NOD2: variants seen among roughly 807,000 people sequenced by gnomAD.
The protein encoded by NOD2 is nucleotide binding oligomerization domain containing 2, also known as nucleotide-binding oligomerization domain-containing protein 2.
A neutral mutation model predicts 90.9 loss-of-function variants in NOD2; 86 were observed. The observed-to-expected ratio is 0.95, with a 90% CI of 0.79 to 1.13. The LOEUF is 1.13. Ranked by LOEUF, NOD2 falls within the 50% of genes most tolerant of loss-of-function variation. The pLI, the probability that NOD2 is intolerant of heterozygous loss-of-function variation, is 0.00. For synonymous variants in NOD2, 581 were observed against 554.6 expected (o/e 1.05, Z -0.67); for missense variants, 1,238 against 1,283.8 (o/e 0.96, Z 0.55).
chr16:50,717,709 A>G (rs781338889), intron 6 of NOD2, among the ~76,000 whole-genome samples: 1 of 152,266 alleles, frequency 6.6e-6, no homozygotes, highest in Non-Finnish European at 1.5e-5. Flanking sequence ...TGAGATCAGA[A>G]CCACAGGTGC....
At chr16:50,731,544 A>T (rs1213897084) in intron 11 of NOD2, among the ~76,000 whole-genome samples, 1 of 152,188 alleles carries the variant, frequency 6.6e-6, no homozygotes, top group Non-Finnish European at 1.5e-5. Context: ...CTGCAGAGTC[A>T]TGGAGCCTTG....
rs5743277 is a variant in NOD2, at chr16:50,712,018, C to G, written c.2026C>G (p.Arg676Gly). 16 of 1,613,156 alleles carry G rather than the reference C, an allele frequency of 9.9e-6. No individual in the cohort carries two copies. The highest frequency in any genetic ancestry group is 1.7e-4 in the Middle Eastern group (1 of 6,056). The change falls in exon 4 of 12, where the codon CGC becomes GGC. Residue 676 changes from arginine (R) to glycine (G), a missense_variant. By Grantham distance (125) the Arg-to-Gly change is moderately radical (BLOSUM62 -2). Around this residue, in one of 3 missense-constraint regions of NOD2, gnomAD observed 667 missense variants for 688.7 expected, o/e 0.97. Transcript: ENST00000647318. ...CQTSEKALLR[R>G]QACARWCLAR... is the part of the protein sequence containing the mutation. ...GACATCTGAGAAGGCCCTGCTCCGG[C>G]GCCAGGCCTGTGCCCGCTGGTGTCT...
chr16:50,716,632 T>C lies in NOD2; in HGVS notation c.2427T>C (p.Ile809=), dbSNP rs764369783. The change falls in exon 5 of 12, where the codon ATT becomes ATC. Residue 809 remains isoleucine, a synonymous_variant. Coordinates refer to ENST00000647318, the MANE Select transcript of NOD2 (RefSeq NM_001370466.1). ...NISDRGICKL[I]ECALHCEQLQ... The stretch of plus-strand genomic sequence containing the variant: ...CAGACCGAGGCATCTGCAAGCTCAT[T>C]GAATGTGCTCTTCACTGCGAGCAAT... The C allele has an allele frequency of 3.1e-6, 5 of 1,614,246 alleles. No homozygotes were observed. The highest frequency in any genetic ancestry group is 4.2e-6 in the Non-Finnish European group (5 of 1,180,054).
chr16:50,697,205 G>T, intron 1 of NOD2: 1 of 1,531,820 alleles, frequency 6.5e-7, no homozygotes, highest in Non-Finnish European at 8.9e-7. Flanking sequence ...AGGCCTACCC[G>T]CAGATGCCAT....
intron 1 of NOD2, chr16:50,697,431 G>C (rs888351281): frequency 9.7e-7 from 1 of 1,029,728 alleles, no homozygotes; most frequent in Admixed American, 2.0e-5. Flanking sequence ...CTGTTTCTGG[G>C]CTGTTTTCTG....
intron 10 of NOD2, chr16:50,727,556 G>T: frequency 7.1e-6 from 2 of 279,948 alleles, no homozygotes; most frequent in Non-Finnish European, 1.4e-5. Context: ...AGCATTTTCT[G>T]CATCCTCCTG....
chr16:50,723,507 G>C, intron 9 of NOD2, 123 bp downstream of exon 9: 1 of 839,924 alleles, frequency 1.2e-6, no homozygotes, highest in Non-Finnish European at 2.0e-6. Context: ...TTGACTGATT[G>C]ATTGATTGTG....
chr16:50,699,841 A>T lies in NOD2; in HGVS notation c.346A>T (p.Arg116Trp). 6.2e-7 allele frequency: 1 copy of T among 1,613,596 alleles called. No homozygotes were observed. The highest frequency in any genetic ancestry group is 8.5e-7 in the Non-Finnish European group (1 of 1,179,936). The change falls in exon 2 of 12, where the codon AGG becomes TGG. Residue 116 changes from arginine to tryptophan, a missense_variant. Transcript: ENST00000647318. ...DLQSHRPAIV[R>W]RLHSHVENML... ...GCAGAGTCACCGGCCAGCCATTGTC[A>T]GGAGGCTCCACAGCCATGTGGAGAA...
chr16:50,699,615 C>T lies in NOD2; in HGVS notation c.120C>T (p.Ser40=). ...GGCTGCTGTCCTGGGAGGTCCTCTC[C>T]TGGGAGGACTACGAGGGCTTCCACC... ...LDWLLSWEVL[S]WEDYEGFHLL... The change falls in exon 2 of 12, where the codon TCC becomes TCT. Residue 40 remains serine, a synonymous_variant. Transcript: ENST00000647318. 2 of 1,614,088 alleles carry T rather than the reference C, an allele frequency of 1.2e-6. No individual in the cohort carries two copies. The highest frequency in any genetic ancestry group is 1.7e-6 in the Non-Finnish European group (2 of 1,180,016).
In NOD2 at chr16:50,721,211, C is replaced by A. The variant is rs575371059; in HGVS notation, c.2633+1203C>A. Among the ~76,000 whole-genome samples the A allele has an allele frequency of 3.2e-4, 48 of 151,852 alleles. 1 individual carries two copies. The highest frequency in any genetic ancestry group is 2.7e-3 in the South Asian group (13 of 4,812). ...AGTCTAGAACAAAGGAGGCCACAGCCCCACTGAACTCTCTTCTGCTTGAGG... is the reference window on the plus strand; with the variant it reads ...AGTCTAGAACAAAGGAGGCCACAGCACCACTGAACTCTCTTCTGCTTGAGG... On this transcript the variant is annotated intron_variant, in intron 7 of 11. Transcript: ENST00000647318.
In NOD2 at chr16:50,711,596, G is replaced by C; in HGVS notation, c.1604G>C (p.Cys535Ser). 1 of 1,611,544 alleles carries C rather than the reference G, an allele frequency of 6.2e-7. No individual in the cohort carries two copies. Among genetic ancestry groups the C allele is most frequent in the Non-Finnish European group, 8.5e-7 (1 of 1,180,010 alleles). ...GCTCTGTGGGGCCTGGGCATGTGCT[G>C]CTACGTGTTCTCAGCCCAGCAGCTC... ...RLALWGLGMC[C>S]YVFSAQQLQA... The change falls in exon 4 of 12, where the codon TGC (cysteine) becomes TCC (serine). Residue 535 changes from cysteine to serine, a missense_variant. By Grantham distance (112) the Cys-to-Ser change is moderately radical. Transcript: ENST00000647318.
In NOD2 at chr16:50,711,222, C is replaced by T. The variant is rs771979324; in HGVS notation, c.1230C>T (p.Tyr410=). The T allele has an allele frequency of 2.0e-5, 32 of 1,613,926 alleles. No individual in the cohort carries two copies. The highest frequency in any genetic ancestry group is 2.7e-5 in the Non-Finnish European group (32 of 1,180,050). ...CTGTGTCGGCGTTCCTCAGGAAGTACATCCGCACCGAGTTCAACCTCAAGG... is the reference window on the plus strand; with the variant it reads ...CTGTGTCGGCGTTCCTCAGGAAGTATATCCGCACCGAGTTCAACCTCAAGG... ...PAAVSAFLRK[Y]IRTEFNLKGF... The change falls in exon 4 of 12, where the codon TAC becomes TAT. Residue 410 remains tyrosine (Y), a synonymous_variant. Transcript: ENST00000647318.
In NOD2 at chr16:50,700,585, A is replaced by G. The variant is rs563944405; in HGVS notation, c.459+631A>G. ...GTTTCAGTTTCCTCATCTACAAAAC[A>G]ATGTTAATAGTCAAATGGTGCCTAT... On this transcript the variant is annotated intron_variant, in intron 2 of 11. Transcript: ENST00000647318. 2.6e-5 allele frequency among the ~76,000 whole-genome samples: 4 copies of G among 152,368 alleles called. No individual in the cohort carries two copies. The East Asian group carries it at 7.7e-4, about 29-fold the overall frequency.
intron 1 of NOD2, among the ~76,000 whole-genome samples, chr16:50,698,911 C>G (rs1963790785): frequency 6.8e-6 from 1 of 146,726 alleles, no homozygotes; most frequent in East Asian, 2.0e-4. Flanking sequence ...TTTGGAAGAT[C>G]TCTCTCTCTC....
rs888552584 is a variant in NOD2 at position 50,732,549 on chromosome 16, C to G, written c.*730C>G. On this transcript the variant is annotated 3_prime_UTR_variant, in exon 12 of 12. Coordinates refer to ENST00000647318, the MANE Select transcript of NOD2 (RefSeq NM_001370466.1). The stretch of plus-strand genomic sequence containing the variant: ...TTCTAGGTTTGCAAGAAAAATATGA[C>G]CACACTCCAGCTGGGATCACATGTG... 1 of 152,992 alleles carries G rather than the reference C, an allele frequency of 6.5e-6. No homozygotes were observed. Among genetic ancestry groups the G allele is most frequent in the Non-Finnish European group, 1.5e-5 (1 of 68,562 alleles). The allele number at this position is 152,992 out of a possible 1,614,324, so 9.5% of individuals were successfully genotyped here. A position where few individuals can be genotyped will look rare whatever the true frequency, so the allele number is the denominator to read the frequency against.
intron 1 of NOD2, chr16:50,697,276 TGAG>T (rs1276780175): frequency 3.2e-6 from 5 of 1,560,578 alleles, no homozygotes. Context: ...CCTCTCACGA[TGAG>T]GAGGAAAGAG....
intron 3 of NOD2, 68 bp from the exon 4 acceptor site, chr16:50,710,490 C>T: frequency 6.2e-7 from 1 of 1,607,630 alleles, no homozygotes; most frequent in Non-Finnish European, 8.5e-7. Context: ...CCGCAGCAGC[C>T]CATTGTCTGG....
intron 1 of NOD2, among the ~76,000 whole-genome samples, chr16:50,695,902 A>T (rs554674601): frequency 3.6e-4 from 55 of 152,306 alleles, no homozygotes; most frequent in Non-Finnish European, 6.6e-4. Context: ...CAGTACAGGC[A>T]ACAGACAAGG....
At chr16:50,724,429 A>G (rs1421935240) in intron 9 of NOD2, among the ~76,000 whole-genome samples, 2 of 152,244 alleles carry the variant, frequency 1.3e-5, no homozygotes, top group African/African-American at 4.8e-5. Flanking sequence ...ACATACAGCA[A>G]TTTATGAATT....
Sources: allele counts gnomAD v4.1 joint callset (sites outside exome capture counted in the v4.1 genomes callset), GRCh38; gene constraint gnomAD v4.1.1; regional missense constraint gnomAD v4.1.1; transcripts MANE v1.5; gene names NCBI Gene and HGNC (gene_info 2026-07-23, HGNC 2026-07-21).